HNF4G: variants seen among roughly 807,000 people sequenced by gnomAD.
The protein encoded by HNF4G is hepatocyte nuclear factor 4 gamma.
Under a neutral mutation model 50.9 loss-of-function variants are expected in HNF4G, and 21 were observed. That is an observed-to-expected ratio of 0.41 (90% CI 0.29 to 0.59). The LOEUF (loss-of-function observed/expected upper bound fraction) is 0.59, where lower values mean the gene tolerates loss of function less well. Among genes scored for constraint, HNF4G ranks in the 20% least tolerant of loss-of-function variants. The probability of loss-of-function intolerance (pLI) is 0.26; values close to 1 mark genes in which losing one functional copy is unlikely to be tolerated. For synonymous variants in HNF4G, 198 were observed against 185.6 expected (o/e 1.07, Z -0.54); for missense variants, 527 against 559.4 (o/e 0.94, Z 0.58).
chr8:75,558,624 T>C lies in HNF4G; in HGVS notation c.840T>C (p.Asp280=). ...GACCATTTCAAGAAATCCAGATTGA[T>C]GACAATGAGTATGCTTGTTTAAAGG... ...LVRPFQEIQI[D]DNEYACLKAI... is the part of the protein sequence containing the mutation. Residue 280 remains aspartate, a synonymous_variant, in exon 7 of 10, where the codon GAT becomes GAC. Transcript: ENST00000396423. 1 of 1,614,038 alleles carries C rather than the reference T, an allele frequency of 6.2e-7. No individual in the cohort carries two copies. The highest frequency in any genetic ancestry group is 8.5e-7 in the Non-Finnish European group (1 of 1,179,946).
At chr8:75,490,026 G>A (rs1812586285) in intron 1 of HNF4G, 1 of 152,400 alleles carries the variant, frequency 6.6e-6, no homozygotes, top group African/African-American at 2.4e-5. Flanking sequence ...GGGGATAAAA[G>A]TAAATCATTT....
chr8:75,456,841 A>G (rs1309596052), intron 1 of HNF4G, among the ~76,000 whole-genome samples: 1 of 152,020 alleles, frequency 6.6e-6, no homozygotes, highest in Non-Finnish European at 1.5e-5. Flanking sequence ...CCTGGATTTA[A>G]GCGATTCCCC....
At chr8:75,423,969 A>G (rs1585830257) in intron 1 of HNF4G, among the ~76,000 whole-genome samples, 1 of 151,238 alleles carries the variant, frequency 6.6e-6, no homozygotes. Context: ...GACTACAAGT[A>G]TGCATCACCA....
chr8:75,562,138 T>A (rs567417350), intron 9 of HNF4G, among the ~76,000 whole-genome samples: 15 of 23,164 alleles, frequency 6.5e-4, no homozygotes, highest in Admixed American at 2.7e-3. Context: ...GCTACAGCAT[T>A]TTTTTTTTCT....
At position 75,549,882 on chromosome 8, in the gene HNF4G, A is replaced by G. The variant is rs542175414; in HGVS notation, c.383-1506A>G. On this transcript the variant is annotated intron_variant, in intron 3 of 9. Coordinates refer to ENST00000396423, the MANE Select transcript of HNF4G (RefSeq NM_004133.5). ...ATGTTTGGTTTTTTGTCCTTGTGATAGTTTACTGAGAATGATGATTTCCAA... is the reference window on the plus strand; with the variant it reads ...ATGTTTGGTTTTTTGTCCTTGTGATGGTTTACTGAGAATGATGATTTCCAA... Among the ~76,000 whole-genome samples the G allele has an allele frequency of 7.2e-5, 11 of 151,912 alleles. No individual in the cohort carries two copies. The East Asian group carries it at 2.1e-3, about 30-fold the overall frequency.
chr8:75,534,589 A>G (rs2941460), intron 2 of HNF4G, among the ~76,000 whole-genome samples: 99,900 of 151,718 alleles, frequency 0.66, 34,787 homozygotes, highest in African/African-American at 0.9. Flanking sequence ...GTGTTTTAAT[A>G]TGCAAATAAA....
chr8:75,559,798 T>C lies in HNF4G; in HGVS notation c.1124-546T>C, dbSNP rs528875808. Among the ~76,000 whole-genome samples, 5 of 152,220 alleles carry C rather than the reference T, an allele frequency of 3.3e-5. No homozygotes were observed. The East Asian group carries it at 9.6e-4, about 29-fold the overall frequency. On this transcript the variant is annotated intron_variant, in intron 8 of 9. Transcript: ENST00000396423. Reference sequence around the variant, plus strand: ...TATATACTATCTTAAAAATGAACATTGTGCTCCTGAAATAATTAATTGACA... The same window carrying C: ...TATATACTATCTTAAAAATGAACATCGTGCTCCTGAAATAATTAATTGACA...
chr8:75,550,825 G>T lies in HNF4G; in HGVS notation c.383-563G>T, dbSNP rs544900911. 9.9e-5 allele frequency among the ~76,000 whole-genome samples: 15 copies of T among 152,104 alleles called. 1 individual carries two copies. In the South Asian group the frequency reaches 3.1e-3, roughly 31 times the overall value. On this transcript the variant is annotated intron_variant, in intron 3 of 9. Coordinates refer to ENST00000396423, the MANE Select transcript of HNF4G (RefSeq NM_004133.5). ...TTCAAACCTCAATTTTCTCAGGAGA[G>T]ACTGCTCCATGGTACATCTTTTGCT...
upstream of HNF4G, among the ~76,000 whole-genome samples, chr8:75,538,863 A>G (rs2943547): frequency 0.6 from 91,806 of 151,964 alleles, 29,339 homozygotes; most frequent in African/African-American, 0.82. Context: ...AAAGTACAAT[A>G]GTTTCTAAGA....
chr8:75,536,563 C>T (rs1022277835), upstream of HNF4G, among the ~76,000 whole-genome samples: 5 of 151,902 alleles, frequency 3.3e-5, no homozygotes, highest in Admixed American at 6.6e-5. Flanking sequence ...CATCAGTCCC[C>T]TTGCTGAAAA....
chr8:75,551,336 T>A, intron 3 of HNF4G, 52 bp from the exon 4 acceptor site: 1 of 1,015,782 alleles, frequency 9.8e-7, no homozygotes, highest in East Asian at 2.4e-5. Flanking sequence ...ATCTATATTC[T>A]AACATACACT....
intron 1 of HNF4G, among the ~76,000 whole-genome samples, chr8:75,462,108 G>T (rs899564347): frequency 2.2e-4 from 33 of 151,656 alleles, no homozygotes; most frequent in African/African-American, 4.4e-4. Flanking sequence ...GTAGAGATGG[G>T]GTTTCTCCAT....
chr8:75,558,474 A>G, intron 6 of HNF4G, 44 bp from the exon 7 acceptor site: 1 of 1,570,502 alleles, frequency 6.4e-7, no homozygotes, highest in Non-Finnish European at 8.7e-7. Context: ...TTGGGGAGAC[A>G]GGTGGTTATT....
At chr8:75,418,785 T>C (rs1810706106) in intron 1 of HNF4G, among the ~76,000 whole-genome samples, 1 of 143,036 alleles carries the variant, frequency 7.0e-6, no homozygotes, top group Non-Finnish European at 1.5e-5. Context: ...TGGAGTGCAA[T>C]GGCACGATCT....
intron 2 of HNF4G, among the ~76,000 whole-genome samples, chr8:75,545,942 A>G (rs1180769152): frequency 6.6e-6 from 1 of 152,034 alleles, no homozygotes; most frequent in East Asian, 1.9e-4. Flanking sequence ...CTCATCAGCC[A>G]TTTGTTCCCA....
chr8:75,424,073 G>C (rs923970168), intron 1 of HNF4G, among the ~76,000 whole-genome samples: 3 of 151,536 alleles, frequency 2.0e-5, no homozygotes, highest in African/African-American at 7.3e-5. Context: ...CGCCTGCCTC[G>C]GCCTCCCAAA....
chr8:75,498,474 G>C (rs1039523962), intron 2 of HNF4G, among the ~76,000 whole-genome samples: 1 of 152,040 alleles, frequency 6.6e-6, no homozygotes, highest in Non-Finnish European at 1.5e-5. Context: ...ATTCGAGCAA[G>C]TATTTAAAGA....
intron 1 of HNF4G, among the ~76,000 whole-genome samples, chr8:75,470,984 A>T (rs1170167814): frequency 6.6e-6 from 1 of 152,106 alleles, no homozygotes; most frequent in East Asian, 1.9e-4. Flanking sequence ...GCTTTTAATC[A>T]CTCATACATT....
At chr8:75,511,324 C>G (rs1805745254) in intron 2 of HNF4G, among the ~76,000 whole-genome samples, 1 of 152,100 alleles carries the variant, frequency 6.6e-6, no homozygotes, top group South Asian at 2.1e-4. Context: ...TACTTATAAC[C>G]CTATAACAAT....
Sources: allele counts gnomAD v4.1 joint callset (sites outside exome capture counted in the v4.1 genomes callset), GRCh38; gene constraint gnomAD v4.1.1; transcripts MANE v1.5; gene names NCBI Gene and HGNC (gene_info 2026-07-23, HGNC 2026-07-21).